RNPEP: variants seen among roughly 807,000 people sequenced by gnomAD.
The protein encoded by RNPEP is aminopeptidase B.
RNPEP carries 57 observed loss-of-function variants against 70.1 expected under a neutral mutation model. The observed-to-expected ratio is 0.81, with a 90% CI of 0.66 to 1.01. RNPEP has a LOEUF of 1.01. RNPEP is among the 50% of genes least tolerant of loss of function. The probability of loss-of-function intolerance (pLI) is 0.00; values close to 1 mark genes in which losing one functional copy is unlikely to be tolerated. For missense variants in RNPEP, 787 were observed against 852.4 expected (o/e 0.92, Z 0.96); for synonymous variants, 335 against 357.4 (o/e 0.94, Z 0.71).
chr1:201,989,270 G>T, intron 2 of RNPEP, 113 bp from the exon 3 acceptor site: 1 of 1,347,882 alleles, frequency 7.4e-7, no homozygotes, highest in Non-Finnish European at 1.0e-6. Flanking sequence ...TGTTCTCCAA[G>T]ATAGACTCCA....
chr1:201,985,413 A>C (rs1257779275), intron 1 of RNPEP, among the ~76,000 whole-genome samples: 1 of 151,860 alleles, frequency 6.6e-6, no homozygotes, highest in African/African-American at 2.4e-5. Context: ...CCACCTCCAC[A>C]CTTGGCTAAT....
intron 1 of RNPEP, among the ~76,000 whole-genome samples, chr1:201,988,228 G>A (rs1053402486): frequency 1.4e-4 from 21 of 151,928 alleles, no homozygotes; most frequent in Non-Finnish European, 2.8e-4. Flanking sequence ...GGGAGACTGA[G>A]GTGGGCGGGT....
rs967388978 is a variant in RNPEP at position 201,983,065 on chromosome 1, C to G, written c.399C>G (p.Ala133=). ...CVSFPQPCRA[A]ERLQVLLTYR... ...CCTTCCCGCAGCCCTGCCGCGCCGC[C>G]GAGCGCCTCCAGGTGCTGCTCACCT... Residue 133 remains alanine (A), a synonymous_variant, in exon 1 of 11, where the codon GCC becomes GCG. Coordinates refer to ENST00000295640, the MANE Select transcript of RNPEP (RefSeq NM_020216.4). The G allele has an allele frequency of 2.0e-6, 3 of 1,527,980 alleles. No homozygotes were observed. The African/African-American group carries it at 4.3e-5, about 22-fold the overall frequency. 94.7% of individuals were successfully genotyped at this position (1,527,980 alleles called of 1,614,324 possible). A position where few individuals can be genotyped will look rare whatever the true frequency, so the allele number is the denominator to read the frequency against.
intron 1 of RNPEP, among the ~76,000 whole-genome samples, chr1:201,984,866 A>G (rs12059693): frequency 0.65 from 80,317 of 124,000 alleles, 23,873 homozygotes; most frequent in Non-Finnish European, 0.68. Flanking sequence ...TTGAGAAGGG[A>G]TCAAAAAGCT....
Position 202,000,021 on chromosome 1 carries a change from G to A in RNPEP, c.1204+6G>A. 1 of 1,607,196 alleles carries A rather than the reference G, an allele frequency of 6.2e-7. No individual in the cohort carries two copies. The highest frequency in any genetic ancestry group is 8.5e-7 in the Non-Finnish European group (1 of 1,174,650). On this transcript the variant is annotated splice_donor_region_variant and intron_variant, in intron 6 of 10. Coordinates refer to ENST00000295640, the MANE Select transcript of RNPEP (RefSeq NM_020216.4). ...CCGCGTGAAGATTGAACCAGGTCCAGGAGGCTCCTCTGTCTGACACCCACT... is the reference window on the plus strand; with the variant it reads ...CCGCGTGAAGATTGAACCAGGTCCAAGAGGCTCCTCTGTCTGACACCCACT...
chr1:202,001,816 A>G, intron 8 of RNPEP, 49 bp downstream of exon 8: 1 of 1,161,858 alleles, frequency 8.6e-7, no homozygotes, highest in Non-Finnish European at 1.3e-6. Context: ...GTAGAGAATG[A>G]GATCTCATTG....
At chr1:201,983,673 C>A (rs1683023535) in intron 1 of RNPEP, 10 of 1,162,478 alleles carry the variant, frequency 8.6e-6, no homozygotes, top group Non-Finnish European at 9.7e-6. Context: ...ATTTGATTAA[C>A]GAAAGAATTT....
At chr1:201,991,408 G>A (rs959601221) in intron 3 of RNPEP, among the ~76,000 whole-genome samples, 3 of 152,154 alleles carry the variant, frequency 2.0e-5, no homozygotes, top group South Asian at 2.1e-4. Context: ...CACCACGCCG[G>A]GCCGTGGGGG....
Position 202,003,388 on chromosome 1 carries a change from C to T in RNPEP, c.1578C>T (p.Ala526=). ...ELDMKAIEAV[A]ISPWKTYQLV... ...ACATGAAGGCCATTGAAGCCGTGGC[C>T]ATCTCTCCCTGGAAGACCTACCAGC... Residue 526 remains alanine (A), a synonymous_variant, in exon 9 of 11, where the codon GCC becomes GCT. Coordinates refer to ENST00000295640, the MANE Select transcript of RNPEP (RefSeq NM_020216.4). 1 of 1,614,158 alleles carries T rather than the reference C, an allele frequency of 6.2e-7. No individual in the cohort carries two copies. Among genetic ancestry groups the T allele is most frequent in the Non-Finnish European group, 8.5e-7 (1 of 1,180,028 alleles).
chr1:201,987,629 G>C (rs1403438013), intron 1 of RNPEP, among the ~76,000 whole-genome samples: 1 of 151,020 alleles, frequency 6.6e-6, no homozygotes, highest in Non-Finnish European at 1.5e-5. Context: ...GTAGCAACAG[G>C]GTTTTACCAT....
intron 1 of RNPEP, chr1:201,983,526 T>G: frequency 7.6e-7 from 1 of 1,322,260 alleles, no homozygotes; most frequent in Non-Finnish European, 1.0e-6. Context: ...GGTACCTGAT[T>G]ATCAGCCACC....
At chr1:201,996,294 T>C in intron 4 of RNPEP, 31 bp downstream of exon 4, 1 of 1,415,894 alleles carries the variant, frequency 7.1e-7, no homozygotes, top group South Asian at 1.2e-5. Context: ...TAGTGTCTCC[T>C]GTTAAACTGA....
chr1:202,001,323 T>C (rs756769556), intron 6 of RNPEP, 53 bp from the exon 7 acceptor site: 20 of 1,237,776 alleles, frequency 1.6e-5, no homozygotes, highest in Non-Finnish European at 2.4e-5. Flanking sequence ...AGAAGAACGT[T>C]ACGGGTGACA....
At chr1:201,983,144 G>T in intron 1 of RNPEP, 31 bp downstream of exon 1, 1 of 1,436,414 alleles carries the variant, frequency 7.0e-7, no homozygotes, top group Non-Finnish European at 9.0e-7. Flanking sequence ...GCCCGCCGCT[G>T]CCTGCCTGCC....
chr1:201,997,983 G>A (rs74593525), intron 5 of RNPEP, among the ~76,000 whole-genome samples: 12 of 152,120 alleles, frequency 7.9e-5, no homozygotes, highest in Middle Eastern at 3.4e-3. Flanking sequence ...GGCTGGTCTC[G>A]AACTCATGAC....
At position 202,004,499 on chromosome 1, in the gene RNPEP, G is replaced by T. The variant is rs1683970151; in HGVS notation, c.1794+3G>T. ...TGAAGGAGTTCCTGCATAACCAGGT[G>T]GGTGACCCCTGCCTCGCTGTTCCCG... On this transcript the variant is annotated splice_donor_region_variant and intron_variant, in intron 10 of 10. Transcript: ENST00000295640. The T allele has an allele frequency of 1.2e-6, 2 of 1,613,098 alleles. No homozygotes were observed. Among genetic ancestry groups the T allele is most frequent in the South Asian group, 1.1e-5 (1 of 91,056 alleles).
chr1:201,988,817 TTC>T lies in RNPEP; in HGVS notation c.448-82_448-81del. 3 of 1,477,478 alleles carry T rather than the reference TTC, an allele frequency of 2.0e-6. No homozygotes were observed. The Admixed American group carries it at 6.7e-5, about 33-fold the overall frequency. The allele number at this position is 1,477,478 out of a possible 1,614,324, so 91.5% of individuals were successfully genotyped here. On this transcript the variant is annotated intron_variant, in intron 1 of 10. Coordinates refer to ENST00000295640, the MANE Select transcript of RNPEP (RefSeq NM_020216.4). ...GAAAGGTTTTAAGGATTACCTAAAA[TTC>T]TCTCATTCCAGCCAGCTCACTTCTC... is the stretch of plus-strand genomic sequence containing the variant.
In RNPEP at chr1:201,999,916, T is replaced by A. The variant is rs1406416583; in HGVS notation, c.1105T>A (p.Cys369Ser). ...TTCTGCACCAGGCGCTGCGTACACC[T>A]GCTTGGAGGCTGCAACGGGGCGGGC... The part of the protein sequence containing the change: ...STILFGAAYT[C>S]LEAATGRALL... Residue 369 changes from cysteine to serine, a missense_variant, in exon 6 of 11, where the codon TGC (cysteine) becomes AGC (serine). By Grantham distance (112) the Cys-to-Ser change is moderately radical (BLOSUM62 -1). Transcript: ENST00000295640. 1 of 1,613,798 alleles carries A rather than the reference T, an allele frequency of 6.2e-7. No homozygotes were observed. Among genetic ancestry groups the A allele is most frequent in the East Asian group, 2.2e-5 (1 of 44,874 alleles).
At chr1:201,998,588 C>T (rs1193606229) in intron 5 of RNPEP, among the ~76,000 whole-genome samples, 1 of 152,126 alleles carries the variant, frequency 6.6e-6, no homozygotes, top group Non-Finnish European at 1.5e-5. Context: ...ACATATTGTC[C>T]ATTATCTTCC....
Sources: gnomAD v4.1 joint callset for allele counts (sites outside exome capture counted in the v4.1 genomes callset) on GRCh38, gnomAD v4.1.1 for gene constraint, MANE v1.5 for transcripts, NCBI Gene and HGNC (gene_info 2026-07-23, HGNC 2026-07-21) for gene names.